Variants in SLC30A3 observed in about 807,000 individuals in gnomAD.
The protein encoded by SLC30A3 is probable proton-coupled zinc antiporter SLC30A3.
Under a neutral mutation model 35.6 loss-of-function variants are expected in SLC30A3, and 20 were observed. That is an observed-to-expected ratio of 0.56 (90% CI 0.39 to 0.82). SLC30A3 has a LOEUF of 0.82. Ranked by LOEUF, SLC30A3 falls within the 40% of genes least tolerant of loss-of-function variation. The pLI is 0.00. For missense variants in SLC30A3, 401 were observed against 530.6 expected, an observed-to-expected ratio of 0.76 and a Z score of 2.40; for synonymous variants, 217 against 224.7, an observed-to-expected ratio of 0.97 and a Z score of 0.31.
chr2:27,264,657 C>T (rs1677411350), upstream of SLC30A3, among the ~76,000 whole-genome samples: 1 of 152,176 alleles, frequency 6.6e-6, no homozygotes, highest in Non-Finnish European at 1.5e-5. The surrounding 1 kb of genome is among the most constrained non-coding windows in gnomAD (Gnocchi z 6.1). Flanking sequence ...CCCCCAGCCT[C>T]CCCAGTCCAA....
chr2:27,258,613 G>A lies in SLC30A3; in HGVS notation c.277+140C>T, dbSNP rs927471562. The A allele has an allele frequency of 4.3e-6, 4 of 927,888 alleles. No individual in the cohort carries two copies. In the Admixed American group the frequency reaches 9.1e-5, roughly 21 times the overall value. 57.5% of individuals were successfully genotyped at this position (927,888 alleles called of 1,614,324 possible). ...CTGTCCCTTATCCCTCCTACTTCCT[G>A]AGTCCTGGGCACCCAGCTCCCCTAT... is the stretch of plus-strand genomic sequence containing the variant. On this transcript the variant is annotated intron_variant, in intron 2 of 7. Coordinates refer to ENST00000233535, the MANE Select transcript of SLC30A3 (RefSeq NM_003459.5). The surrounding 1 kb of genome is among the most constrained non-coding windows in gnomAD (Gnocchi z 4.0).
intron 1 of SLC30A3, among the ~76,000 whole-genome samples, chr2:27,269,729 G>A (rs1405929224): frequency 2.6e-5 from 4 of 151,896 alleles, no homozygotes; most frequent in Admixed American, 6.6e-5. Flanking sequence ...ATGGTGGTGC[G>A]CACCTGTAAT....
chr2:27,266,035 C>T (rs1382651492), upstream of SLC30A3, among the ~76,000 whole-genome samples: 1 of 151,626 alleles, frequency 6.6e-6, no homozygotes, highest in Non-Finnish European at 1.5e-5. Flanking sequence ...ACACTCTCAT[C>T]GCACAATACT....
At chr2:27,270,699 G>T (rs1677695447) in intron 1 of SLC30A3, among the ~76,000 whole-genome samples, 1 of 152,140 alleles carries the variant, frequency 6.6e-6, no homozygotes, top group African/African-American at 2.4e-5. Context: ...CTAGTGTTGG[G>T]TCTGCAAAGT....
Position 27,255,196 on chromosome 2 carries a change from G to T in SLC30A3, c.*116C>A. On this transcript the variant is annotated 3_prime_UTR_variant, in exon 8 of 8. Transcript: ENST00000233535. This position sits in a 1 kb window ranked among gnomAD's most constrained non-coding sequence, Gnocchi z 5.2. Reference sequence around the variant, plus strand: ...TGGGGAAACTGGCAGGTGGTAGGAGGGAGAGAGGAAGGGGTATGGACCTGG... The same window carrying T: ...TGGGGAAACTGGCAGGTGGTAGGAGTGAGAGAGGAAGGGGTATGGACCTGG... The T allele has an allele frequency of 6.2e-7, 1 of 1,600,326 alleles. No homozygotes were observed. Among genetic ancestry groups the T allele is most frequent in the Non-Finnish European group, 8.5e-7 (1 of 1,177,998 alleles).
At chr2:27,273,051 A>T (rs112530270) in intron 1 of SLC30A3, among the ~76,000 whole-genome samples, 8,997 of 145,290 alleles carry the variant, frequency 0.062, 353 homozygotes, top group African/African-American at 0.099. Flanking sequence ...AAAAAAAAAA[A>T]ATATATATAT....
chr2:27,269,835 G>A (rs1393783289), intron 1 of SLC30A3, among the ~76,000 whole-genome samples: 1 of 151,984 alleles, frequency 6.6e-6, no homozygotes, highest in Admixed American at 6.6e-5. Context: ...TCCAGCCTGG[G>A]TGACAGAGCA....
intron 6 of SLC30A3, 112 bp from the exon 7 acceptor site, chr2:27,256,632 C>CA: frequency 6.9e-7 from 1 of 1,454,196 alleles, no homozygotes; most frequent in Non-Finnish European, 9.5e-7. Context: ...CTTTTGACCC[C>CA]TACAATTCAC....
At position 27,262,780 on chromosome 2, in the gene SLC30A3, C is replaced by A; in HGVS notation, c.95+32G>T. The A allele has an allele frequency of 6.7e-7, 1 of 1,503,520 alleles. No homozygotes were observed. Among genetic ancestry groups the A allele is most frequent in the Admixed American group, 2.5e-5 (1 of 39,298 alleles). 93.1% of individuals were successfully genotyped at this position (1,503,520 alleles called of 1,614,324 possible). A position where few individuals can be genotyped will look rare whatever the true frequency, so the allele number is the denominator to read the frequency against. On this transcript the variant is annotated intron_variant, in intron 1 of 7. Transcript: ENST00000233535. This position sits in a 1 kb window ranked among gnomAD's most constrained non-coding sequence, Gnocchi z 7.5. ...GACGGAGGGTAGTAGGGTGGCGCCC[C>A]CGGGCCGAGGGCCAGCCCAGGTCTG...
In SLC30A3 at chr2:27,257,237, C is replaced by T. The variant is rs756037276; in HGVS notation, c.694G>A (p.Val232Ile). ...EEPLPLGNTS[V>I]RAAFVHVLGD... ...AGCACGTGCACAAATGCCGCCCGGA[C>T]GCTGGTGTTCCCCAGGGGCAGGGGC... Residue 232 changes from valine (V) to isoleucine (I), a missense_variant, in exon 5 of 8, where the codon GTC becomes ATC. Around this residue, in one of 3 missense-constraint regions of SLC30A3, gnomAD observed 296 missense variants for 392.6 expected, o/e 0.75. Transcript: ENST00000233535. The surrounding 1 kb of genome is among the most constrained non-coding windows in gnomAD (Gnocchi z 4.7). 28 of 1,613,940 alleles carry T rather than the reference C, an allele frequency of 1.7e-5. No individual in the cohort carries two copies. Among genetic ancestry groups the T allele is most frequent in the Middle Eastern group, 1.6e-4 (1 of 6,070 alleles).
intron 1 of SLC30A3, 108 bp from the exon 2 acceptor site, chr2:27,259,042 G>T (rs1393195042): frequency 2.3e-6 from 2 of 881,490 alleles, no homozygotes; most frequent in Non-Finnish European, 3.4e-6. Flanking sequence ...CCTTCCCCAG[G>T]CCTGGTCGTA....
At position 27,258,421 on chromosome 2, in the gene SLC30A3, C is replaced by T; in HGVS notation, c.278-114G>A. On this transcript the variant is annotated intron_variant, in intron 2 of 7. Coordinates refer to ENST00000233535, the MANE Select transcript of SLC30A3 (RefSeq NM_003459.5). The surrounding 1 kb of genome is among the most constrained non-coding windows in gnomAD (Gnocchi z 4.0). ...CCAAAAATGTGATTTGGGGTTTTCTCAGGTGATGGGACTACAGGTATAATT... is the reference window on the plus strand; with the variant it reads ...CCAAAAATGTGATTTGGGGTTTTCTTAGGTGATGGGACTACAGGTATAATT... 9.6e-7 allele frequency: 1 copy of T among 1,036,714 alleles called. No individual in the cohort carries two copies. Among genetic ancestry groups the T allele is most frequent in the South Asian group, 2.0e-5 (1 of 50,970 alleles). The allele number at this position is 1,036,714 out of a possible 1,614,324, so 64.2% of individuals were successfully genotyped here.
rs763631628 is a variant in SLC30A3, at chr2:27,255,244, G to T, written c.*68C>A. On this transcript the variant is annotated 3_prime_UTR_variant, in exon 8 of 8. Transcript: ENST00000233535. This position sits in a 1 kb window ranked among gnomAD's most constrained non-coding sequence, Gnocchi z 5.2. ...TGGCTCGGTCCCGTCTCTGTGATCA[G>T]GGCAGCAGATGCTGAGAGTCTGGGG... The T allele has an allele frequency of 6.2e-7, 1 of 1,609,888 alleles. No individual in the cohort carries two copies. Among genetic ancestry groups the T allele is most frequent in the South Asian group, 1.1e-5 (1 of 90,708 alleles).
At position 27,256,526 on chromosome 2, in the gene SLC30A3, AC is replaced by A; in HGVS notation, c.884-7del. On this transcript the variant is annotated splice_polypyrimidine_tract_variant and splice_region_variant and intron_variant, in intron 6 of 7. Coordinates refer to ENST00000233535, the MANE Select transcript of SLC30A3 (RefSeq NM_003459.5). Reference sequence around the variant, plus strand: ...CCCCACATTGCGGGGGGTACCTGCAACCAGCACCAGTCATGCCTTACTGCTA... The same window carrying A: ...CCCCACATTGCGGGGGGTACCTGCAACAGCACCAGTCATGCCTTACTGCTA... 9 of 1,613,862 alleles carry A rather than the reference AC, an allele frequency of 5.6e-6. No individual in the cohort carries two copies. The highest frequency in any genetic ancestry group is 7.6e-6 in the Non-Finnish European group (9 of 1,179,984).
rs1676964099 is a variant in SLC30A3 at position 27,257,988 on chromosome 2, G to A, written c.495C>T (p.Phe165=). The A allele has an allele frequency of 4.3e-6, 7 of 1,614,182 alleles. No homozygotes were observed. The highest frequency in any genetic ancestry group is 4.5e-5 in the East Asian group (2 of 44,882). The change falls in exon 4 of 8, where the codon TTC becomes TTT. Residue 165 remains phenylalanine (F), a synonymous_variant. Coordinates refer to ENST00000233535, the MANE Select transcript of SLC30A3 (RefSeq NM_003459.5). This position sits in a 1 kb window ranked among gnomAD's most constrained non-coding sequence, Gnocchi z 4.7. ...GGTAGTCGCTGTGCAGCAGGCGGAC[G>A]AAGGCCAGGTACAGGAGGATGCCAG... is the stretch of plus-strand genomic sequence containing the variant. The part of the protein sequence containing the change: ...MVTGILLYLA[F]VRLLHSDYHI...
chr2:27,268,984 G>A (rs915054797), intron 1 of SLC30A3, among the ~76,000 whole-genome samples: 1 of 151,970 alleles, frequency 6.6e-6, no homozygotes, highest in African/African-American at 2.4e-5. Flanking sequence ...CTTTAACTGG[G>A]GTGCATCAAG....
At position 27,256,567 on chromosome 2, in the gene SLC30A3, C is replaced by G. The variant is rs780152486; in HGVS notation, c.884-47G>C. On this transcript the variant is annotated intron_variant, in intron 6 of 7. Coordinates refer to ENST00000233535, the MANE Select transcript of SLC30A3 (RefSeq NM_003459.5). ...CCTTACTGCTAGGGCTACTCCTGCCCAGAAGCAGCACCCCCACCACTGGAT... is the reference window on the plus strand; with the variant it reads ...CCTTACTGCTAGGGCTACTCCTGCCGAGAAGCAGCACCCCCACCACTGGAT... 11 of 1,610,442 alleles carry G rather than the reference C, an allele frequency of 6.8e-6. No individual in the cohort carries two copies. The South Asian group carries it at 9.9e-5, about 14-fold the overall frequency.
rs1676968049 is a variant in SLC30A3 at position 27,258,048 on chromosome 2, C to A, written c.435G>T (p.Gly145=). The A allele has an allele frequency of 6.2e-7, 1 of 1,614,074 alleles. No individual in the cohort carries two copies. Among genetic ancestry groups the A allele is most frequent in the Non-Finnish European group, 8.5e-7 (1 of 1,179,926 alleles). Reference sequence around the variant, plus strand: ...AGAGGGAGACCACAGAGGCCAAAGCCCCCAGAGTCTCTGCGGGTGGGGGGG... The same window carrying A: ...AGAGGGAGACCACAGAGGCCAAAGCACCCAGAGTCTCTGCGGGTGGGGGGG... ...TFGWHRSETL[G]ALASVVSLWM... The change falls in exon 4 of 8, where the codon GGG becomes GGT. Residue 145 remains glycine (G), a synonymous_variant. Coordinates refer to ENST00000233535, the MANE Select transcript of SLC30A3 (RefSeq NM_003459.5). The surrounding 1 kb of genome is among the most constrained non-coding windows in gnomAD (Gnocchi z 4.0).
In SLC30A3 at chr2:27,257,297, C is replaced by A. The variant is rs1389407727; in HGVS notation, c.634G>T (p.Ala212Ser). 6.2e-7 allele frequency: 1 copy of A among 1,613,836 alleles called. No individual in the cohort carries two copies. Among genetic ancestry groups the A allele is most frequent in the East Asian group, 2.2e-5 (1 of 44,884 alleles). ...GPPHSHGSRGAEYAPLEEGPE... is the reference protein window; with the variant it reads ...GPPHSHGSRGSEYAPLEEGPE... ...CCCTCCTCCAGCGGTGCATACTCTG[C>A]TCCCCTAGACCCGTGGCTGTGGGGG... Residue 212 changes from alanine to serine, a missense_variant, in exon 5 of 8, where the codon GCA (alanine) becomes TCA (serine). Ala to Ser is a moderately conservative substitution (Grantham distance 99). Coordinates refer to ENST00000233535, the MANE Select transcript of SLC30A3 (RefSeq NM_003459.5). This position sits in a 1 kb window ranked among gnomAD's most constrained non-coding sequence, Gnocchi z 4.7.
Sources: gnomAD v4.1 joint callset for allele counts (sites outside exome capture counted in the v4.1 genomes callset) on GRCh38, gnomAD v4.1.1 for gene constraint, gnomAD v4.1.1 regional missense constraint, Gnocchi (gnomAD v3.1) non-coding constraint, MANE v1.5 for transcripts, NCBI Gene and HGNC (gene_info 2026-07-23, HGNC 2026-07-21) for gene names.